The following ARVCF variants were observed in gnomAD, a reference collection of about 807,000 sequenced individuals.
The protein encoded by ARVCF is splicing regulator ARVCF.
Under a neutral mutation model 90.9 loss-of-function variants are expected in ARVCF, and 66 were observed. That is an observed-to-expected ratio of 0.73 (90% CI 0.60 to 0.89). ARVCF has a LOEUF of 0.89. Ranked by LOEUF, ARVCF falls within the 40% of genes least tolerant of loss-of-function variation. ARVCF has a pLI of 0.00. For synonymous variants in ARVCF, 653 were observed against 603.4 expected (o/e 1.08, Z -1.21); for missense variants, 1,469 against 1,382.3 (o/e 1.06, Z -1.00).
intron 7 of ARVCF, among the ~76,000 whole-genome samples, chr22:19,978,285 A>C (rs1010793115): frequency 3.9e-5 from 6 of 152,152 alleles, no homozygotes; most frequent in African/African-American, 1.2e-4. Context: ...GCAGACAACT[A>C]TCTTGGCTGG....
chr22:20,012,628 G>C (rs1944878440), intron 1 of ARVCF, among the ~76,000 whole-genome samples: 1 of 152,254 alleles, frequency 6.6e-6, no homozygotes, highest in Admixed American at 6.5e-5. Context: ...AGTGAGGATG[G>C]CCTGGGCCTA....
chr22:19,984,033 C>T (rs1487477441), intron 3 of ARVCF, among the ~76,000 whole-genome samples: 1 of 152,236 alleles, frequency 6.6e-6, no homozygotes, highest in East Asian at 1.9e-4. Flanking sequence ...GGGCCCTGGG[C>T]GGGGCTCATC....
At chr22:19,994,478 G>A (rs1366443098) in intron 2 of ARVCF, among the ~76,000 whole-genome samples, 4 of 129,176 alleles carry the variant, frequency 3.1e-5, no homozygotes, top group African/African-American at 1.2e-4. Flanking sequence ...GTGGGTGGGG[G>A]GATGGTGGAG....
Position 19,981,464 on chromosome 22 carries a change from C to A in ARVCF, c.643G>T (p.Ala215Ser). ...SRGLGMRPPR[A>S]GPLGPGPGDG... ...CCAGGGCCTGGGCCAAGGGGGCCAG[C>A]ACGTGGGGGCCGCATGCCCAGCCCT... The change falls in exon 5 of 20, where the codon GCT becomes TCT. Residue 215 changes from alanine (A) to serine (S), a missense_variant. Coordinates refer to ENST00000263207, the MANE Select transcript of ARVCF (RefSeq NM_001670.3). 1 of 1,544,410 alleles carries A rather than the reference C, an allele frequency of 6.5e-7. No homozygotes were observed. Among genetic ancestry groups the A allele is most frequent in the East Asian group, 2.3e-5 (1 of 42,760 alleles).
chr22:19,981,183 T>C, intron 5 of ARVCF, 28 bp downstream of exon 5: 1 of 1,488,556 alleles, frequency 6.7e-7, no homozygotes, highest in African/African-American at 1.4e-5. Flanking sequence ...CCAGAGGAGG[T>C]AGCCACAGGG....
chr22:19,974,360 G>A, intron 11 of ARVCF, 121 bp from the exon 12 acceptor site: 2 of 1,235,788 alleles, frequency 1.6e-6, no homozygotes, highest in East Asian at 2.6e-5. Context: ...GGATGGGTGT[G>A]GATGAGTCAC....
Position 19,977,519 on chromosome 22 carries a change from GC to G in ARVCF, c.1765del (p.Ala589ProfsTer16). ...GGGCTCGGCCTCCTGGTACCTGTCG[GC>G]CCCGGGCACCTCCTTGTGCACGTGG... ...SYHVHKEVPGADRYQEAEPGP... is the reference protein window; with the variant it reads ...SYHVHKEVPGXDRYQEAEPGP... On this transcript the variant is annotated frameshift_variant, in exon 9 of 20. Transcript: ENST00000263207. LOFTEE classifies it high-confidence loss of function. The G allele has an allele frequency of 1.3e-6, 2 of 1,597,570 alleles. No homozygotes were observed. The highest frequency in any genetic ancestry group is 1.7e-6 in the Non-Finnish European group (2 of 1,171,028).
intron 3 of ARVCF, among the ~76,000 whole-genome samples, chr22:19,985,233 C>T (rs1436620117): frequency 6.6e-6 from 1 of 152,210 alleles, no homozygotes; most frequent in Non-Finnish European, 1.5e-5. Context: ...AGCTGGGGCC[C>T]CATCCTTGCT....
chr22:19,973,111 C>T lies in ARVCF; in HGVS notation c.2438+8G>A. The T allele has an allele frequency of 6.2e-7, 1 of 1,603,260 alleles. No homozygotes were observed. Among genetic ancestry groups the T allele is most frequent in the Non-Finnish European group, 8.5e-7 (1 of 1,176,078 alleles). ...GCTCCCCAAGCCACCGACCCCGCCC[C>T]TCCACACCTGGAGGCCACGAGAGCC... On this transcript the variant is annotated splice_region_variant and intron_variant, in intron 14 of 19. Transcript: ENST00000263207.
intron 2 of ARVCF, among the ~76,000 whole-genome samples, chr22:19,996,143 G>A (rs1016713624): frequency 7.9e-5 from 12 of 152,152 alleles, no homozygotes; most frequent in Non-Finnish European, 1.5e-4. Flanking sequence ...TTCACAGGGC[G>A]GAGTCCACAT....
rs200007678 is a variant in ARVCF, at chr22:19,981,598, C to T, written c.509G>A (p.Arg170His). Residue 170 changes from arginine to histidine, a missense_variant, in exon 5 of 20, where the codon CGT becomes CAT. Coordinates refer to ENST00000263207, the MANE Select transcript of ARVCF (RefSeq NM_001670.3). Reference sequence around the variant, plus strand: ...GAGTGTGGCCACTGGGCCACCACCACGCAGCAGGAAATGCCGGTCCAGGGC... The same window carrying T: ...GAGTGTGGCCACTGGGCCACCACCATGCAGCAGGAAATGCCGGTCCAGGGC... ...DGALDRHFLL[R>H]GGGPVATLSR... 85 of 1,607,434 alleles carry T rather than the reference C, an allele frequency of 5.3e-5. No homozygotes were observed. The South Asian group carries it at 8.2e-4, about 16-fold the overall frequency.
intron 2 of ARVCF, among the ~76,000 whole-genome samples, chr22:20,003,325 A>G (rs1440387317): frequency 6.6e-6 from 1 of 152,246 alleles, no homozygotes; most frequent in Non-Finnish European, 1.5e-5. Context: ...TTTCCCAAAA[A>G]TAAAGAGGAA....
At chr22:19,994,129 A>C (rs1944133425) in intron 2 of ARVCF, among the ~76,000 whole-genome samples, 1 of 151,840 alleles carries the variant, frequency 6.6e-6, no homozygotes, top group East Asian at 1.9e-4. Flanking sequence ...GGATGAATGA[A>C]TGGAGGGTGG....
At chr22:19,965,992 G>A (rs930615970), downstream of ARVCF, among the ~76,000 whole-genome samples, 28 of 152,226 alleles carry the variant, frequency 1.8e-4, no homozygotes, top group Admixed American at 1.6e-3. Context: ...GCGTTACTGC[G>A]GCCGAGTTTC....
intron 2 of ARVCF, among the ~76,000 whole-genome samples, chr22:19,994,270 G>C (rs1944140195): frequency 6.6e-6 from 1 of 151,410 alleles, no homozygotes; most frequent in African/African-American, 2.4e-5. Context: ...TGAATGAATG[G>C]GTCGGGGGGA....
Position 20,010,472 on chromosome 22 carries a change from C to CG in ARVCF, c.-37_-36insC, listed in dbSNP as rs1944786193. On this transcript the variant is annotated 5_prime_UTR_variant, in exon 2 of 20. Transcript: ENST00000263207. Reference sequence around the variant, plus strand: ...CCACTCACCTGTCTTGAGGGAAGATCAGCATGTCCCGACACCCACCCTGCA... The same window carrying CG: ...CCACTCACCTGTCTTGAGGGAAGATCGAGCATGTCCCGACACCCACCCTGCA... 1 of 152,304 alleles carries CG rather than the reference C, an allele frequency of 6.6e-6. No individual in the cohort carries two copies. Among genetic ancestry groups the CG allele is most frequent in the African/African-American group, 2.4e-5 (1 of 41,446 alleles). 9.4% of individuals were successfully genotyped at this position (152,304 alleles called of 1,614,324 possible).
chr22:19,993,873 C>T (rs1944122903), intron 2 of ARVCF, among the ~76,000 whole-genome samples: 2 of 152,188 alleles, frequency 1.3e-5, no homozygotes, highest in Non-Finnish European at 2.9e-5. Context: ...GACGACCCAG[C>T]CCCCACCCAG....
At chr22:19,969,030 C>G (rs9332381), downstream of ARVCF, 22,786 of 297,176 alleles carry the variant, frequency 0.077, 1,679 homozygotes, top group African/African-American at 0.24. Flanking sequence ...TTAGATATAA[C>G]TCGACTTAGT....
chr22:19,981,155 G>A (rs1943469812), intron 5 of ARVCF, 56 bp downstream of exon 5: 2 of 1,461,542 alleles, frequency 1.4e-6, no homozygotes, highest in African/African-American at 1.4e-5. Context: ...TGTAGTTGGG[G>A]GGTGGAGGGC....
Sources: allele counts gnomAD v4.1 joint callset (sites outside exome capture counted in the v4.1 genomes callset), GRCh38; gene constraint gnomAD v4.1.1; transcripts MANE v1.5; gene names NCBI Gene and HGNC (gene_info 2026-07-23, HGNC 2026-07-21).